SEMA3E: variants seen among roughly 807,000 people sequenced by gnomAD.
SEMA3E encodes the protein semaphorin-3E.
In SEMA3E, 49 loss-of-function variants were observed where a neutral mutation model predicts 93.6. That is an observed-to-expected ratio of 0.52 (90% CI 0.42 to 0.66). The LOEUF (loss-of-function observed/expected upper bound fraction) is 0.66, where lower values mean the gene tolerates loss of function less well. Ranked by LOEUF, SEMA3E falls within the 30% of genes least tolerant of loss-of-function variation. The pLI, the probability that SEMA3E is intolerant of heterozygous loss-of-function variation, is 0.00. For synonymous variants in SEMA3E, 363 were observed against 330.7 expected (o/e 1.10, Z -1.06); for missense variants, 906 against 964.8 (o/e 0.94, Z 0.81).
intron 14 of SEMA3E, among the ~76,000 whole-genome samples, chr7:83,390,166 C>T (rs1242959441): frequency 7.6e-5 from 1 of 13,160 alleles, no homozygotes; most frequent in Admixed American, 9.8e-4. Context: ...CACATATATG[C>T]GCGTATACGT....
chr7:83,396,041 A>ATATG (rs1788111993), intron 12 of SEMA3E, among the ~76,000 whole-genome samples: 1 of 149,010 alleles, frequency 6.7e-6, no homozygotes, highest in South Asian at 2.2e-4. Flanking sequence ...ATACGACTTG[A>ATATG]TGTGTGTGTG....
At chr7:83,449,187 C>T (rs62460809) in intron 4 of SEMA3E, among the ~76,000 whole-genome samples, 16,471 of 151,752 alleles carry the variant, frequency 0.11, 1,007 homozygotes, top group Non-Finnish European at 0.14. Context: ...GCAACCTCCA[C>T]CTCCTGGGCT....
Position 83,466,377 on chromosome 7 carries a change from G to A in SEMA3E, c.456+105C>T, listed in dbSNP as rs113263243. On this transcript the variant is annotated intron_variant, in intron 4 of 16. Transcript: ENST00000643230. The stretch of plus-strand genomic sequence containing the variant: ...CTCAAGCAAACTGATTCAGTACATC[G>A]CAAATGCTTTTATCTTTCTTGGGAA... 6,364 of 1,362,664 alleles carry A rather than the reference G, an allele frequency of 4.7e-3. 240 individuals carry two copies. In the African/African-American group the frequency reaches 0.08, roughly 17 times the overall value. 84.4% of individuals were successfully genotyped at this position (1,362,664 alleles called of 1,614,324 possible).
chr7:83,401,764 G>A (rs889438194), intron 10 of SEMA3E, among the ~76,000 whole-genome samples: 4 of 152,002 alleles, frequency 2.6e-5, no homozygotes, highest in Admixed American at 6.6e-5. Flanking sequence ...GCAAGTAATC[G>A]TGGAATCAGT....
At chr7:83,510,164 G>A (rs1458069873) in intron 1 of SEMA3E, among the ~76,000 whole-genome samples, 1 of 152,034 alleles carries the variant, frequency 6.6e-6, no homozygotes, top group African/African-American at 2.4e-5. Context: ...AATACAAATT[G>A]ATCATTGATG....
chr7:83,566,229 A>G (rs1234298983), intron 1 of SEMA3E, among the ~76,000 whole-genome samples: 1 of 148,164 alleles, frequency 6.7e-6, no homozygotes, highest in African/African-American at 2.5e-5. Flanking sequence ...GATTGTCTCG[A>G]TCTCCTGACC....
chr7:83,575,525 A>ACC (rs1191307140), intron 1 of SEMA3E, among the ~76,000 whole-genome samples: 2 of 152,134 alleles, frequency 1.3e-5, no homozygotes, highest in Non-Finnish European at 2.9e-5. Flanking sequence ...CATTTTACTA[A>ACC]CATTTACGTT....
intron 1 of SEMA3E, among the ~76,000 whole-genome samples, chr7:83,495,949 C>T (rs532024305): frequency 6.6e-6 from 1 of 151,886 alleles, no homozygotes; most frequent in South Asian, 2.1e-4. Flanking sequence ...TTTATGCAAC[C>T]AAATTTCCTC....
chr7:83,648,272 T>G (rs1225080585), intron 1 of SEMA3E, among the ~76,000 whole-genome samples, 156 bp downstream of exon 1: 1 of 152,172 alleles, frequency 6.6e-6, no homozygotes, highest in South Asian at 2.1e-4. Context: ...TCAGAGGTAC[T>G]TAGAATTTTA....
Position 83,472,844 on chromosome 7 carries a change from G to A in SEMA3E, c.277-3542C>T, listed in dbSNP as rs887935572. On this transcript the variant is annotated intron_variant, in intron 2 of 16. Transcript: ENST00000643230. ...AGGCCGTTTCCCCCATGCTGTTCTC[G>A]TGATAGTGAGTGAGTTCTCACAAGA... 1.3e-5 allele frequency among the ~76,000 whole-genome samples: 2 copies of A among 152,124 alleles called. 1 individual carries two copies. Among genetic ancestry groups the A allele is most frequent in the African/African-American group, 4.8e-5 (2 of 41,416 alleles).
chr7:83,393,129 A>C lies in SEMA3E; in HGVS notation c.1501-408T>G, dbSNP rs148421230. On this transcript the variant is annotated intron_variant, in intron 13 of 16. Transcript: ENST00000643230. ...TAATATTTGAGAAACATTCATAGAC[A>C]TAAATGCAGGAGTACCAAAATTGCT... 2.8e-3 allele frequency among the ~76,000 whole-genome samples: 425 copies of C among 152,278 alleles called. 2 individuals are homozygous for C. Among genetic ancestry groups the C allele is most frequent in the African/African-American group, 8.4e-3 (348 of 41,576 alleles).
At chr7:83,537,082 T>C (rs1360407583) in intron 1 of SEMA3E, among the ~76,000 whole-genome samples, 3 of 151,928 alleles carry the variant, frequency 2.0e-5, no homozygotes, top group Non-Finnish European at 4.4e-5. Flanking sequence ...TCTTCCCCTC[T>C]CTCTTCCTCT....
At chr7:83,567,848 T>TA (rs1792195624) in intron 1 of SEMA3E, among the ~76,000 whole-genome samples, 1 of 150,760 alleles carries the variant, frequency 6.6e-6, no homozygotes, top group South Asian at 2.1e-4. Flanking sequence ...CTCAAAGAAC[T>TA]AAAAAAGCAA....
In SEMA3E at chr7:83,568,385, A is replaced by T. The variant is rs373987117; in HGVS notation, c.116-78111T>A. Among the ~76,000 whole-genome samples, 12 of 152,270 alleles carry T rather than the reference A, an allele frequency of 7.9e-5. 1 individual carries two copies. The highest frequency in any genetic ancestry group is 6.5e-5 in the Admixed American group (1 of 15,296). ...CCCTAACTCATTCTAAGAGGCCAAC[A>T]TCACCCTGATAACAAAACCAGCAAA... On this transcript the variant is annotated intron_variant, in intron 1 of 16. Transcript: ENST00000643230.
intron 1 of SEMA3E, among the ~76,000 whole-genome samples, chr7:83,601,720 G>A (rs1282022639): frequency 6.6e-6 from 1 of 152,126 alleles, no homozygotes; most frequent in Non-Finnish European, 1.5e-5. Context: ...CAGATATAGA[G>A]AGAAAAGCAA....
intron 14 of SEMA3E, among the ~76,000 whole-genome samples, chr7:83,391,792 T>C (rs1034967932): frequency 6.6e-6 from 1 of 152,188 alleles, no homozygotes; most frequent in Non-Finnish European, 1.5e-5. Flanking sequence ...ATAAAAATAA[T>C]TGAAATTAAT....
chr7:83,571,131 C>A (rs1000735096), intron 1 of SEMA3E, among the ~76,000 whole-genome samples: 3 of 151,572 alleles, frequency 2.0e-5, no homozygotes, highest in Admixed American at 6.6e-5. Context: ...GGATTTGCAG[C>A]CAAATTCTAA....
chr7:83,401,103 C>A (rs755719851), intron 10 of SEMA3E, among the ~76,000 whole-genome samples: 8 of 152,016 alleles, frequency 5.3e-5, no homozygotes, highest in Non-Finnish European at 8.8e-5. Flanking sequence ...ATGGATTTGA[C>A]AAAATAAACT....
At chr7:83,634,904 C>A (rs1468994639) in intron 1 of SEMA3E, among the ~76,000 whole-genome samples, 1 of 151,982 alleles carries the variant, frequency 6.6e-6, no homozygotes, top group Non-Finnish European at 1.5e-5. Context: ...AATGTCCCAA[C>A]AACTAAAATT....
Sources: gnomAD v4.1 joint callset for allele counts (sites outside exome capture counted in the v4.1 genomes callset) on GRCh38, gnomAD v4.1.1 for gene constraint, MANE v1.5 for transcripts, NCBI Gene and HGNC (gene_info 2026-07-23, HGNC 2026-07-21) for gene names.